CNPY1: variants seen among roughly 807,000 people sequenced by gnomAD.
CNPY1 encodes the protein protein canopy homolog 1.
Under a neutral mutation model 14.4 loss-of-function variants are expected in CNPY1, and 14 were observed. The observed-to-expected ratio is 0.97, with a 90% CI of 0.64 to 1.52. The LOEUF (loss-of-function observed/expected upper bound fraction) is 1.52, where lower values mean the gene tolerates loss of function less well. Among genes scored for constraint, CNPY1 ranks in the 40% most tolerant of loss-of-function variants. CNPY1 has a pLI of 0.00. For missense variants in CNPY1, 129 were observed against 131.5 expected (o/e 0.98, Z 0.09); for synonymous variants, 43 against 46.5 (o/e 0.92, Z 0.31).
intron 2 of CNPY1, among the ~76,000 whole-genome samples, chr7:155,541,229 C>T (rs1396792659): frequency 3.3e-5 from 5 of 152,202 alleles, no homozygotes; most frequent in Admixed American, 6.5e-5. Context: ...CAGAGACCTC[C>T]GCGAGCGGAG....
chr7:155,529,478 C>T (rs1014218236), intron 2 of CNPY1, among the ~76,000 whole-genome samples: 2 of 152,346 alleles, frequency 1.3e-5, no homozygotes, highest in East Asian at 1.9e-4. Context: ...CCAGCAGGGC[C>T]GTGATCTCTC....
chr7:155,501,406 T>C lies in CNPY1; in HGVS notation c.*1662A>G, dbSNP rs1025164148. The C allele has an allele frequency of 6.6e-6, 1 of 152,210 alleles. No individual in the cohort carries two copies. The allele number at this position is 152,210 out of a possible 1,614,324, so 9.4% of individuals were successfully genotyped here. A position where few individuals can be genotyped will look rare whatever the true frequency, so the allele number is the denominator to read the frequency against. Reference sequence around the variant, plus strand: ...TGTTTGATGATGATCAAAGAGAGTATGGAAACAGATTTGGCAACACTTCTA... The same window carrying C: ...TGTTTGATGATGATCAAAGAGAGTACGGAAACAGATTTGGCAACACTTCTA... On this transcript the variant is annotated 3_prime_UTR_variant, in exon 5 of 5. Coordinates refer to ENST00000636446, the MANE Select transcript of CNPY1 (RefSeq NM_001393663.1).
intron 2 of CNPY1, among the ~76,000 whole-genome samples, chr7:155,525,497 G>A (rs933481554): frequency 2.0e-5 from 3 of 152,148 alleles, no homozygotes; most frequent in Non-Finnish European, 4.4e-5. Context: ...AATTCTAAAT[G>A]CAATGTTTCC....
At position 155,546,428 on chromosome 7, in the gene CNPY1, C is replaced by T. The variant is rs1797157457; in HGVS notation, c.-15+1G>A. 2.5e-6 allele frequency: 1 copy of T among 398,350 alleles called. No homozygotes were observed. 24.7% of individuals were successfully genotyped at this position (398,350 alleles called of 1,614,324 possible). On this transcript the variant is annotated splice_donor_variant, in intron 1 of 4. Transcript: ENST00000636446. LOFTEE classifies it low-confidence loss of function (5UTR_SPLICE). The stretch of plus-strand genomic sequence containing the variant: ...GTCTTGAACTCAAGCCATCCTCCTA[C>T]CTTGGCCTCCTGAATTGCTGGGATT...
At position 155,502,962 on chromosome 7, in the gene CNPY1, G is replaced by C; in HGVS notation, c.*106C>G. 1 of 996,988 alleles carries C rather than the reference G, an allele frequency of 1.0e-6. No homozygotes were observed. Among genetic ancestry groups the C allele is most frequent in the Non-Finnish European group, 1.5e-6 (1 of 659,648 alleles). 61.8% of individuals were successfully genotyped at this position (996,988 alleles called of 1,614,324 possible). Reference sequence around the variant, plus strand: ...ACGGAGACAAACACGGTATAAACAAGAGACAAAATTTTTCTTATCATGAAA... The same window carrying C: ...ACGGAGACAAACACGGTATAAACAACAGACAAAATTTTTCTTATCATGAAA... On this transcript the variant is annotated 3_prime_UTR_variant, in exon 5 of 5. Coordinates refer to ENST00000636446, the MANE Select transcript of CNPY1 (RefSeq NM_001393663.1).
Position 155,545,837 on chromosome 7 carries a change from C to T in CNPY1, c.93G>A (p.Arg31=), listed in dbSNP as rs1797150700. The T allele has an allele frequency of 2.5e-6, 1 of 398,552 alleles. No homozygotes were observed. The highest frequency in any genetic ancestry group is 1.3e-4 in the South Asian group (1 of 7,866). 24.7% of individuals were successfully genotyped at this position (398,552 alleles called of 1,614,324 possible). A position where few individuals can be genotyped will look rare whatever the true frequency, so the allele number is the denominator to read the frequency against. ...ATAATATCTTTTCCACTACCTTTCT[C>T]CTCTCCTGAGTCCCATCGGGATTGA... ...FRINPDGTQE[R]RKIPLAQSEA... Residue 31 remains arginine (R), a synonymous_variant, in exon 2 of 5, where the codon AGG becomes AGA. Transcript: ENST00000636446.
chr7:155,527,054 C>CTTTCTTTCT lies in CNPY1; in HGVS notation c.100-17958_100-17957insAGAAAGAAA, dbSNP rs56296833. ...TTTTTCTTTCTTTCTTTCTTTCTTT[C>CTTTCTTTCT]TTTTTTTTTTTTTTTTTGAGACAGT... On this transcript the variant is annotated intron_variant, in intron 2 of 4. Transcript: ENST00000636446. Among the ~76,000 whole-genome samples the CTTTCTTTCT allele has an allele frequency of 1.7e-3, 150 of 90,360 alleles. 1 individual carries two copies. The highest frequency in any genetic ancestry group is 2.0e-3 in the Admixed American group (15 of 7,434). 59.3% of individuals were successfully genotyped at this position (90,360 alleles called of 152,430 possible).
In CNPY1 at chr7:155,528,551, G is replaced by C. The variant is rs549400677; in HGVS notation, c.99+17280C>G. Among the ~76,000 whole-genome samples, 13 of 152,356 alleles carry C rather than the reference G, an allele frequency of 8.5e-5. No homozygotes were observed. In the South Asian group the frequency reaches 2.7e-3, roughly 32 times the overall value. ...AAGTCCAGCAGAGGGTGGGTGGGTA[G>C]ACAGTGGCACTCAGAAATGTCAGCT... On this transcript the variant is annotated intron_variant, in intron 2 of 4. Transcript: ENST00000636446.
intron 3 of CNPY1, among the ~76,000 whole-genome samples, chr7:155,507,471 TAAAAAAAAAAAAAAAAAA>T (rs35711313): frequency 1.8e-5 from 1 of 54,156 alleles, no homozygotes; most frequent in African/African-American, 9.9e-5. Context: ...GTTTTTAAAC[TAAAAAAAAAAAAAAAAAA>T]AAAAAAAAAA....
chr7:155,522,099 G>A (rs992853960), intron 2 of CNPY1, among the ~76,000 whole-genome samples: 30 of 152,232 alleles, frequency 2.0e-4, no homozygotes, highest in African/African-American at 5.8e-4. Flanking sequence ...ACACAGCTGC[G>A]GCACCACGTG....
intron 2 of CNPY1, among the ~76,000 whole-genome samples, chr7:155,540,855 G>A (rs763273136): frequency 6.6e-6 from 1 of 152,312 alleles, no homozygotes; most frequent in East Asian, 1.9e-4. Flanking sequence ...ACCCTCATTC[G>A]GGAGGCCAGC....
intron 2 of CNPY1, among the ~76,000 whole-genome samples, chr7:155,538,748 T>A (rs560414781): frequency 6.6e-6 from 1 of 152,284 alleles, no homozygotes; most frequent in Non-Finnish European, 1.5e-5. Context: ...AGCTGTTCAC[T>A]TTTCTGCTCT....
intron 2 of CNPY1, among the ~76,000 whole-genome samples, chr7:155,541,638 C>T (rs954504229): frequency 2.5e-4 from 38 of 152,198 alleles, no homozygotes; most frequent in African/African-American, 8.2e-4. Flanking sequence ...CCAGAGCCCC[C>T]GCAGTCTGCT....
chr7:155,528,226 AC>A (rs1330525433), intron 2 of CNPY1, among the ~76,000 whole-genome samples: 2 of 152,148 alleles, frequency 1.3e-5, no homozygotes, highest in Non-Finnish European at 2.9e-5. Flanking sequence ...GGAGAATAAG[AC>A]CCCTTTTAAT....
At chr7:155,530,296 CTTTTTTTT>C (rs11386824) in intron 2 of CNPY1, among the ~76,000 whole-genome samples, 1 of 96,928 alleles carries the variant, frequency 1.0e-5, no homozygotes, top group African/African-American at 4.0e-5. Flanking sequence ...CCAGCAGGGT[CTTTTTTTT>C]TTTTTTTTTT....
chr7:155,522,399 TC>T (rs1796743123), intron 2 of CNPY1, among the ~76,000 whole-genome samples: 1 of 152,266 alleles, frequency 6.6e-6, no homozygotes, highest in Non-Finnish European at 1.5e-5. Context: ...TGACCTGGTT[TC>T]CTCGTGGCCT....
At chr7:155,540,784 G>A (rs1797075643) in intron 2 of CNPY1, among the ~76,000 whole-genome samples, 1 of 152,130 alleles carries the variant, frequency 6.6e-6, no homozygotes, top group Non-Finnish European at 1.5e-5. Flanking sequence ...AAGCAAATGT[G>A]AGCCCCTCGA....
At chr7:155,506,563 A>G (rs1312602089) in intron 4 of CNPY1, 1 of 155,980 alleles carries the variant, frequency 6.4e-6, no homozygotes, top group African/African-American at 2.7e-5. Flanking sequence ...AAACAAACAA[A>G]CAAACAAACA....
chr7:155,509,046 A>G lies in CNPY1; in HGVS notation c.151T>C (p.Cys51Arg). The G allele has an allele frequency of 6.2e-7, 1 of 1,609,060 alleles. No homozygotes were observed. Among genetic ancestry groups the G allele is most frequent in the East Asian group, 2.2e-5 (1 of 44,860 alleles). ...AFLTDLLEKV[C>R]ERMNDYKLEE... Reference sequence around the variant, plus strand: ...AGCTTGTAGTCGTTCATTCGCTCACAGACTTTCTCCAAAAGATCCGTTAGG... The same window carrying G: ...AGCTTGTAGTCGTTCATTCGCTCACGGACTTTCTCCAAAAGATCCGTTAGG... The change falls in exon 3 of 5, where the codon TGT becomes CGT. Residue 51 changes from cysteine (C) to arginine (R), a missense_variant. Physicochemically the swap from Cys to Arg is radical, Grantham distance 180 (BLOSUM62 -3). Coordinates refer to ENST00000636446, the MANE Select transcript of CNPY1 (RefSeq NM_001393663.1).
Sources: gnomAD v4.1 joint callset for allele counts (sites outside exome capture counted in the v4.1 genomes callset) on GRCh38, gnomAD v4.1.1 for gene constraint, MANE v1.5 for transcripts, NCBI Gene and HGNC (gene_info 2026-07-23, HGNC 2026-07-21) for gene names.